Variants in DCC observed in about 807,000 individuals in gnomAD.
The protein encoded by DCC is netrin receptor DCC.
DCC carries 58 observed loss-of-function variants against 172.5 expected under a neutral mutation model. That is an observed-to-expected ratio of 0.34 (90% CI 0.27 to 0.42). The LOEUF (loss-of-function observed/expected upper bound fraction) is 0.42, where lower values mean the gene tolerates loss of function less well. DCC is among the 10% of genes least tolerant of loss of function. DCC has a pLI of 1.00. For missense variants in DCC, 1,740 were observed against 1,791.0 expected, an observed-to-expected ratio of 0.97 and a Z score of 0.51; for synonymous variants, 709 against 644.5, an observed-to-expected ratio of 1.10 and a Z score of -1.52.
At chr18:52,622,651 C>T (rs1322904422) in intron 1 of DCC, among the ~76,000 whole-genome samples, 2 of 152,182 alleles carry the variant, frequency 1.3e-5, no homozygotes, top group East Asian at 3.9e-4. Context: ...CAAGAATTTA[C>T]TCTGTCAGCA....
intron 1 of DCC, among the ~76,000 whole-genome samples, chr18:52,652,338 C>T (rs562334578): frequency 1.5e-4 from 23 of 152,332 alleles, no homozygotes; most frequent in African/African-American, 5.5e-4. Context: ...TACCTCTCGT[C>T]TCCCTCCAAG....
At chr18:52,959,105 A>G (rs1387964355) in intron 5 of DCC, among the ~76,000 whole-genome samples, 2 of 152,106 alleles carry the variant, frequency 1.3e-5, no homozygotes, top group Non-Finnish European at 2.9e-5. Context: ...GAGGTCATCA[A>G]TTTGGTTTAG....
chr18:53,056,187 C>T (rs779010673), intron 5 of DCC, among the ~76,000 whole-genome samples: 6 of 151,920 alleles, frequency 3.9e-5, no homozygotes, highest in Admixed American at 2.0e-4. Context: ...ACAATCACGG[C>T]GAAAGGCAAA....
intron 7 of DCC, among the ~76,000 whole-genome samples, chr18:53,074,361 T>G (rs760163436): frequency 1.3e-5 from 2 of 152,170 alleles, no homozygotes; most frequent in Non-Finnish European, 2.9e-5. Flanking sequence ...TCTTTAAAGT[T>G]CCATCATTGG....
At chr18:52,930,425 T>C (rs768812381) in intron 5 of DCC, among the ~76,000 whole-genome samples, 1 of 152,148 alleles carries the variant, frequency 6.6e-6, no homozygotes, top group African/African-American at 2.4e-5. Context: ...AGATCCTGTA[T>C]CTACAAAAAC....
intron 1 of DCC, among the ~76,000 whole-genome samples, chr18:52,452,854 A>G (rs1988347390): frequency 6.6e-6 from 1 of 152,268 alleles, no homozygotes; most frequent in African/African-American, 2.4e-5. Context: ...TAGGTGGGAC[A>G]CACTTATAAA....
chr18:53,447,341 C>A (rs1040864515), intron 22 of DCC, among the ~76,000 whole-genome samples: 1 of 152,026 alleles, frequency 6.6e-6, no homozygotes, highest in Non-Finnish European at 1.5e-5. Context: ...TAATGAAAGA[C>A]CTTGAATACA....
At chr18:52,631,004 T>C (rs1255596619) in intron 1 of DCC, among the ~76,000 whole-genome samples, 1 of 152,186 alleles carries the variant, frequency 6.6e-6, no homozygotes, top group Admixed American at 6.5e-5. Context: ...CCCTGGGGAA[T>C]AGACTCTCAC....
At chr18:52,967,394 T>A (rs2040952651) in intron 5 of DCC, among the ~76,000 whole-genome samples, 1 of 152,174 alleles carries the variant, frequency 6.6e-6, no homozygotes, top group Non-Finnish European at 1.5e-5. Context: ...ACAATGTAAT[T>A]ACTCAAATGT....
intron 12 of DCC, among the ~76,000 whole-genome samples, chr18:53,238,351 G>A (rs1160418103): frequency 6.6e-6 from 1 of 152,126 alleles, no homozygotes; most frequent in African/African-American, 2.4e-5. Context: ...TGTTCCATAA[G>A]ACTGTAACTA....
At chr18:52,392,518 T>C (rs1345352355) in intron 1 of DCC, among the ~76,000 whole-genome samples, 1 of 152,148 alleles carries the variant, frequency 6.6e-6, no homozygotes, top group Non-Finnish European at 1.5e-5. Context: ...ATTTACTTTA[T>C]GTACAATGCA....
At chr18:53,388,093 C>T (rs1908293607) in intron 16 of DCC, among the ~76,000 whole-genome samples, 1 of 152,120 alleles carries the variant, frequency 6.6e-6, no homozygotes, top group Non-Finnish European at 1.5e-5. Flanking sequence ...TTTCTGATGA[C>T]TCAGATCTTA....
At chr18:52,623,123 G>T (rs1344853042) in intron 1 of DCC, among the ~76,000 whole-genome samples, 1 of 152,122 alleles carries the variant, frequency 6.6e-6, no homozygotes, top group African/African-American at 2.4e-5. Context: ...TGCATTACTT[G>T]TTGCCTCTGG....
intron 2 of DCC, among the ~76,000 whole-genome samples, chr18:52,789,870 T>C (rs890319388): frequency 6.6e-6 from 1 of 152,156 alleles, no homozygotes; most frequent in Non-Finnish European, 1.5e-5. Context: ...TCTGAAGATA[T>C]ACTTCCCTCT....
intron 8 of DCC, among the ~76,000 whole-genome samples, chr18:53,176,562 A>T (rs1226574876): frequency 6.6e-6 from 1 of 152,100 alleles, no homozygotes; most frequent in Admixed American, 6.6e-5. Flanking sequence ...TATGCAGCCA[A>T]AAAACACATG....
chr18:52,411,560 G>A (rs980206632), intron 1 of DCC, among the ~76,000 whole-genome samples: 2 of 152,172 alleles, frequency 1.3e-5, no homozygotes, highest in Non-Finnish European at 2.9e-5. Context: ...GGTAGGGTCT[G>A]TCTTCTGGCC....
intron 1 of DCC, among the ~76,000 whole-genome samples, chr18:52,596,854 G>A (rs1353868441): frequency 6.6e-6 from 1 of 152,218 alleles, no homozygotes; most frequent in East Asian, 1.9e-4. Flanking sequence ...CAGCAATCTT[G>A]CCTGGCTTAA....
chr18:52,630,743 G>A (rs1304047833), intron 1 of DCC, among the ~76,000 whole-genome samples: 1 of 152,090 alleles, frequency 6.6e-6, no homozygotes, highest in African/African-American at 2.4e-5. Flanking sequence ...GAGAAGCTAA[G>A]ACTTGGATCA....
intron 14 of DCC, among the ~76,000 whole-genome samples, chr18:53,338,238 T>TTTG (rs888475442): frequency 7.2e-5 from 11 of 152,210 alleles, no homozygotes; most frequent in Non-Finnish European, 1.5e-4. Flanking sequence ...GTCTGCCATA[T>TTTG]TTGTTCTTCC....
Sources: gnomAD v4.1 joint callset for allele counts (sites outside exome capture counted in the v4.1 genomes callset) on GRCh38, gnomAD v4.1.1 for gene constraint, MANE v1.5 for transcripts, NCBI Gene and HGNC (gene_info 2026-07-23, HGNC 2026-07-21) for gene names.